CRADD: variants seen among roughly 807,000 people sequenced by gnomAD.
CRADD encodes the protein CARD and death domain containing adaptor protein, also known as death domain-containing protein CRADD.
A neutral mutation model predicts 15.5 loss-of-function variants in CRADD; 9 were observed. The observed-to-expected ratio is 0.58, with a 90% CI of 0.35 to 1.01. CRADD has a LOEUF of 1.01. Ranked by LOEUF, CRADD falls within the 50% of genes least tolerant of loss-of-function variation. The probability of loss-of-function intolerance (pLI) is 0.02; values close to 1 mark genes in which losing one functional copy is unlikely to be tolerated. For missense variants in CRADD, 227 were observed against 250.3 expected, an observed-to-expected ratio of 0.91 and a Z score of 0.63; for synonymous variants, 118 against 107.6, an observed-to-expected ratio of 1.10 and a Z score of -0.60.
intron 2 of CRADD, among the ~76,000 whole-genome samples, chr12:93,767,676 C>A (rs923060723): frequency 6.6e-6 from 1 of 152,172 alleles, no homozygotes; most frequent in African/African-American, 2.4e-5. Context: ...GGGTTTGAAT[C>A]TTTATGCATT....
chr12:93,694,776 T>A (rs1219170437), intron 2 of CRADD, among the ~76,000 whole-genome samples: 2 of 151,996 alleles, frequency 1.3e-5, no homozygotes, highest in African/African-American at 4.8e-5. Context: ...ACCTGTATAA[T>A]GAAAACTGTT....
At chr12:93,848,318 A>G (rs1162924297) in intron 2 of CRADD, among the ~76,000 whole-genome samples, 1 of 152,006 alleles carries the variant, frequency 6.6e-6, no homozygotes, top group African/African-American at 2.4e-5. Context: ...TATTTTTGCA[A>G]CTCATCTCTA....
chr12:93,724,022 A>G (rs1231324032), intron 2 of CRADD, among the ~76,000 whole-genome samples: 2 of 152,120 alleles, frequency 1.3e-5, no homozygotes, highest in Non-Finnish European at 1.5e-5. Context: ...GTGCTCTGGC[A>G]TATTTCAAAA....
rs1019024506 is a variant in CRADD, at chr12:93,825,839, G to T, written c.299-24131G>T. Among the ~76,000 whole-genome samples, 39 of 152,160 alleles carry T rather than the reference G, an allele frequency of 2.6e-4. 1 individual carries two copies. Among genetic ancestry groups the T allele is most frequent in the Admixed American group, 7.2e-4 (11 of 15,282 alleles). ...CCTTTGATGCCACAGAGGAAGACAG[G>T]CATATCGGCAACATGGCCTCCTCCT... On this transcript the variant is annotated intron_variant, in intron 2 of 2. Coordinates refer to ENST00000332896, the MANE Select transcript of CRADD (RefSeq NM_003805.5).
chr12:93,858,721 G>A (rs946015283), intron 2 of CRADD, among the ~76,000 whole-genome samples: 11 of 152,144 alleles, frequency 7.2e-5, no homozygotes, highest in East Asian at 1.9e-4. Flanking sequence ...CCCAAAGCCA[G>A]CCATAAAACC....
chr12:93,881,439 TGG>T (rs11331682), intron 2 of CRADD, among the ~76,000 whole-genome samples: 8 of 90,202 alleles, frequency 8.9e-5, no homozygotes, highest in African/African-American at 2.5e-4. Flanking sequence ...AAAAAAAGTG[TGG>T]GGGGGGGGTG....
At chr12:93,813,518 A>G (rs4761530) in intron 2 of CRADD, among the ~76,000 whole-genome samples, 73,954 of 152,044 alleles carry the variant, frequency 0.49, 18,113 homozygotes, top group East Asian at 0.65. Flanking sequence ...TTTCTCTCAC[A>G]TTCACATTAT....
intron 2 of CRADD, among the ~76,000 whole-genome samples, chr12:93,827,201 C>T (rs183181180): frequency 1.5e-3 from 232 of 152,284 alleles, no homozygotes; most frequent in African/African-American, 4.8e-3. Flanking sequence ...AAAGTTTTCT[C>T]ATGTCCCTCT....
downstream of CRADD, among the ~76,000 whole-genome samples, chr12:93,851,354 T>C (rs74640585): frequency 2.2e-4 from 33 of 152,274 alleles, no homozygotes; most frequent in East Asian, 6.2e-3. Context: ...CCCTTCTCTC[T>C]TGCATGCTCA....
chr12:93,817,988 G>C (rs993067667), intron 2 of CRADD, among the ~76,000 whole-genome samples: 1 of 152,194 alleles, frequency 6.6e-6, no homozygotes, highest in African/African-American at 2.4e-5. Flanking sequence ...CTCTGCCAGG[G>C]TTCCCCCCGC....
intron 2 of CRADD, among the ~76,000 whole-genome samples, chr12:93,681,162 G>A (rs1363320096): frequency 1.3e-5 from 2 of 152,130 alleles, no homozygotes; most frequent in African/African-American, 4.8e-5. Context: ...GGGATTACAG[G>A]CGTGAGCCAC....
intron 2 of CRADD, among the ~76,000 whole-genome samples, chr12:93,711,055 C>CCCTTTT: frequency 6.2e-4 from 27 of 43,512 alleles, no homozygotes; most frequent in East Asian, 2.0e-3. Flanking sequence ...CCACCCCCGC[C>CCCTTTT]TTTTTTTTTT....
intron 2 of CRADD, among the ~76,000 whole-genome samples, chr12:93,827,670 A>G (rs1178844671): frequency 6.6e-6 from 1 of 152,150 alleles, no homozygotes; most frequent in Non-Finnish European, 1.5e-5. Context: ...TTATGATTCT[A>G]TCAGCAGTGT....
intron 2 of CRADD, among the ~76,000 whole-genome samples, chr12:93,759,115 T>G (rs1956921895): frequency 6.6e-6 from 1 of 152,174 alleles, no homozygotes; most frequent in Non-Finnish European, 1.5e-5. Flanking sequence ...ACCAGCAAAA[T>G]AGAGAAGTGT....
intron 2 of CRADD, among the ~76,000 whole-genome samples, chr12:93,698,210 A>G (rs933701644): frequency 6.6e-6 from 1 of 152,072 alleles, no homozygotes; most frequent in Non-Finnish European, 1.5e-5. Context: ...TGTGTCTTGA[A>G]TCCCATCATT....
In CRADD at chr12:93,677,903, C is replaced by T. The variant is rs141498486; in HGVS notation, c.-7+431C>T. ...CGGGTGTGTCTGAAGCCCCATCTGT[C>T]ATCCCTGCCTGCCTTCCCGGTCACT... On this transcript the variant is annotated intron_variant, in intron 1 of 2. Coordinates refer to ENST00000332896, the MANE Select transcript of CRADD (RefSeq NM_003805.5). 948 of 152,810 alleles carry T rather than the reference C, an allele frequency of 6.2e-3. 4 individuals are homozygous for T. The highest frequency in any genetic ancestry group is 0.026 in the South Asian group (124 of 4,834). 9.5% of individuals were successfully genotyped at this position (152,810 alleles called of 1,614,324 possible).
intron 2 of CRADD, among the ~76,000 whole-genome samples, chr12:93,778,672 C>T (rs188560734): frequency 1.3e-4 from 19 of 151,216 alleles, no homozygotes; most frequent in Non-Finnish European, 2.2e-4. Context: ...TGTCTGTTAG[C>T]CAAATCTTAA....
At chr12:93,816,707 G>T (rs1451168152) in intron 2 of CRADD, among the ~76,000 whole-genome samples, 4 of 152,120 alleles carry the variant, frequency 2.6e-5, no homozygotes, top group Non-Finnish European at 5.9e-5. Flanking sequence ...ATGGCTTTCA[G>T]CAGTTCTTCT....
chr12:93,768,975 T>C (rs183789352), intron 2 of CRADD, among the ~76,000 whole-genome samples: 23 of 152,340 alleles, frequency 1.5e-4, no homozygotes, highest in Middle Eastern at 6.8e-3. Context: ...TTCATCCATG[T>C]TTTTCACATG....
Sources: allele counts gnomAD v4.1 joint callset (sites outside exome capture counted in the v4.1 genomes callset), GRCh38; gene constraint gnomAD v4.1.1; transcripts MANE v1.5; gene names NCBI Gene and HGNC (gene_info 2026-07-23, HGNC 2026-07-21).